PCDHA2: variants seen among roughly 807,000 people sequenced by gnomAD.
PCDHA2 encodes protocadherin alpha-2.
In PCDHA2, 58 loss-of-function variants were observed where a neutral mutation model predicts 66.0. The ratio of observed to expected loss-of-function variants is 0.88; its 90% CI spans 0.71 to 1.09. The LOEUF is 1.09. PCDHA2 is among the 50% of genes least tolerant of loss of function. The probability of loss-of-function intolerance (pLI) is 0.00; values close to 1 mark genes in which losing one functional copy is unlikely to be tolerated. For synonymous variants in PCDHA2, 634 were observed against 554.0 expected (o/e 1.14, Z -2.03); for missense variants, 1,267 against 1,242.3 (o/e 1.02, Z -0.30).
intron 1 of PCDHA2, among the ~76,000 whole-genome samples, chr5:140,889,975 T>A (rs2062445806): frequency 6.6e-6 from 1 of 152,182 alleles, no homozygotes; most frequent in African/African-American, 2.4e-5. Flanking sequence ...CTATCCAGTC[T>A]CCAGTTGTCT....
At chr5:140,969,601 T>C (rs2096345611) in intron 1 of PCDHA2, 1 of 772,836 alleles carries the variant, frequency 1.3e-6, no homozygotes, top group African/African-American at 1.8e-5. Flanking sequence ...TATTTAATGC[T>C]AAAACACAGA....
rs567371259 is a variant in PCDHA2, at chr5:140,910,950, G to A, written c.2389-67999G>A. ...TAAGAAAGCTCAAGCAGTTCTTTTC[G>A]AGTGTAGCACACCTCCTCATGGGTT... On this transcript the variant is annotated intron_variant, in intron 1 of 3. Coordinates refer to ENST00000526136, the MANE Select transcript of PCDHA2 (RefSeq NM_018905.3). Among the ~76,000 whole-genome samples, 203 of 152,092 alleles carry A rather than the reference G, an allele frequency of 1.3e-3. 1 individual carries two copies. Among genetic ancestry groups the A allele is most frequent in the Non-Finnish European group, 2.4e-3 (165 of 68,000 alleles).
intron 1 of PCDHA2, among the ~76,000 whole-genome samples, chr5:140,973,232 G>A (rs1307717074): frequency 6.6e-6 from 1 of 152,196 alleles, no homozygotes; most frequent in Non-Finnish European, 1.5e-5. Context: ...ATAGTGACCT[G>A]AAAGAGTTAA....
chr5:140,927,635 A>G (rs782672031), intron 1 of PCDHA2: 17 of 1,614,038 alleles, frequency 1.1e-5, no homozygotes, highest in East Asian at 4.5e-5. Context: ...ACTGCACCCA[A>G]TGGGACTGTG....
At chr5:140,936,986 A>G (rs2091244455) in intron 1 of PCDHA2, among the ~76,000 whole-genome samples, 1 of 151,898 alleles carries the variant, frequency 6.6e-6, no homozygotes, top group Non-Finnish European at 1.5e-5. Context: ...GCTTGTTAAC[A>G]TTGACAATAT....
rs375652776 is a variant in PCDHA2, at chr5:140,968,862, G to A, written c.2389-10087G>A. The A allele has an allele frequency of 1.9e-5, 31 of 1,614,126 alleles. No individual in the cohort carries two copies. The highest frequency in any genetic ancestry group is 1.5e-4 in the South Asian group (14 of 91,062). The stretch of plus-strand genomic sequence containing the variant: ...ACTCAGAGGCATGTTAAGAGCCCTC[G>A]GACATACTCTGAAATTACCCTTTAT... On this transcript the variant is annotated intron_variant, in intron 1 of 3. Transcript: ENST00000526136.
rs557916636 is a variant in PCDHA2, at chr5:141,000,518, C to G, written c.2537-9109C>G. The stretch of plus-strand genomic sequence containing the variant: ...TCTCGGCTCACTGCAACCTCCTTCT[C>G]CAGGGTTCAAGTGATTCTCATGCCT... On this transcript the variant is annotated intron_variant, in intron 3 of 3. Transcript: ENST00000526136. Among the ~76,000 whole-genome samples the G allele has an allele frequency of 6.9e-4, 100 of 144,062 alleles. 3 individuals are homozygous for G. In the South Asian group the frequency reaches 0.021, roughly 31 times the overall value. 94.5% of individuals were successfully genotyped at this position (144,062 alleles called of 152,430 possible). A position where few individuals can be genotyped will look rare whatever the true frequency, so the allele number is the denominator to read the frequency against.
chr5:140,805,308 C>A, intron 1 of PCDHA2: 3 of 1,274,932 alleles, frequency 2.4e-6, no homozygotes, highest in East Asian at 3.4e-5. Context: ...ATTCTTCCTC[C>A]TTTTTTCCAA....
At chr5:140,830,117 C>A (rs2150181375) in intron 1 of PCDHA2, 1 of 1,613,510 alleles carries the variant, frequency 6.2e-7, no homozygotes, top group Non-Finnish European at 8.5e-7. Context: ...TGGCCAGGCT[C>A]CAAAGGCGTC....
intron 1 of PCDHA2, chr5:140,812,099 T>C (rs1456552720): frequency 1.3e-5 from 2 of 152,060 alleles, no homozygotes; most frequent in African/African-American, 4.8e-5. Flanking sequence ...TTGATTCTTC[T>C]TTAAAAGTTT....
At position 140,856,636 on chromosome 5, in the gene PCDHA2, G is replaced by A. The variant is rs368149411; in HGVS notation, c.2388+59284G>A. 231 of 1,598,104 alleles carry A rather than the reference G, an allele frequency of 1.4e-4. 24 individuals are homozygous for A. The highest frequency in any genetic ancestry group is 1.6e-4 in the Non-Finnish European group (182 of 1,167,716). The stretch of plus-strand genomic sequence containing the variant: ...ACAAATTCCCAGTGCTTGTTCTGCG[G>A]AAGCTGCTGGATCGTGAAGAAAATC... On this transcript the variant is annotated intron_variant, in intron 1 of 3. Coordinates refer to ENST00000526136, the MANE Select transcript of PCDHA2 (RefSeq NM_018905.3).
In PCDHA2 at chr5:140,828,877, C is replaced by T. The variant is rs2150160055; in HGVS notation, c.2388+31525C>T. 121 of 1,614,072 alleles carry T rather than the reference C, an allele frequency of 7.5e-5. 1 individual carries two copies. In the South Asian group the frequency reaches 1.2e-3, roughly 15 times the overall value. On this transcript the variant is annotated intron_variant, in intron 1 of 3. Coordinates refer to ENST00000526136, the MANE Select transcript of PCDHA2 (RefSeq NM_018905.3). ...ATGCAGACAACGGAACAACAGTTAT[C>T]AGACTGAATGCTTCTGATCGGGATG...
intron 1 of PCDHA2, chr5:140,855,863 C>T (rs1435848910): frequency 2.6e-6 from 2 of 763,574 alleles, no homozygotes; most frequent in East Asian, 2.7e-5. Context: ...ATGTCGCTGT[C>T]GTCCACAAAA....
intron 1 of PCDHA2, chr5:140,827,968 A>ATTCTTCTT: frequency 7.3e-7 from 1 of 1,370,946 alleles, no homozygotes; most frequent in South Asian, 1.4e-5. Flanking sequence ...CTATTACTGC[A>ATTCTTCTT]TCATTCCCTG....
In PCDHA2 at chr5:140,802,485, G is replaced by C; in HGVS notation, c.2388+5133G>C. The C allele has an allele frequency of 6.2e-7, 1 of 1,614,166 alleles. No individual in the cohort carries two copies. Among genetic ancestry groups the C allele is most frequent in the Non-Finnish European group, 8.5e-7 (1 of 1,180,022 alleles). ...TGAGCTGGTGGTGACTGCTCGGGACGGGGGCTCGCCTTCACTGTGGGCCAC... is the reference window on the plus strand; with the variant it reads ...TGAGCTGGTGGTGACTGCTCGGGACCGGGGCTCGCCTTCACTGTGGGCCAC... On this transcript the variant is annotated intron_variant, in intron 1 of 3. Coordinates refer to ENST00000526136, the MANE Select transcript of PCDHA2 (RefSeq NM_018905.3).
intron 1 of PCDHA2, chr5:140,856,933 C>T: frequency 5.0e-6 from 8 of 1,593,874 alleles, no homozygotes; most frequent in Non-Finnish European, 6.0e-6. Flanking sequence ...TTTGGATAAA[C>T]GAAAGGACGG....
intron 1 of PCDHA2, chr5:140,868,982 A>T: frequency 6.7e-7 from 1 of 1,495,310 alleles, no homozygotes; most frequent in East Asian, 2.3e-5. Context: ...ATCATACCGG[A>T]TGCCACCGTT....
Position 141,010,990 on chromosome 5 carries a change from A to G in PCDHA2, c.*1053A>G, listed in dbSNP as rs1399914066. The stretch of plus-strand genomic sequence containing the variant: ...GTGCTTTAAGAGAATTGCCTGAAAC[A>G]TCTGTATTATATCGGCCACCTGCCA... On this transcript the variant is annotated 3_prime_UTR_variant, in exon 4 of 4. Transcript: ENST00000526136. The G allele has an allele frequency of 6.5e-6, 1 of 153,770 alleles. No individual in the cohort carries two copies. Among genetic ancestry groups the G allele is most frequent in the Non-Finnish European group, 1.5e-5 (1 of 68,054 alleles). 9.5% of individuals were successfully genotyped at this position (153,770 alleles called of 1,614,324 possible). A position where few individuals can be genotyped will look rare whatever the true frequency, so the allele number is the denominator to read the frequency against.
At chr5:140,894,632 TATC>T (rs1161134901) in intron 1 of PCDHA2, among the ~76,000 whole-genome samples, 1 of 151,990 alleles carries the variant, frequency 6.6e-6, no homozygotes, top group Non-Finnish European at 1.5e-5. Context: ...TCTCCAATCA[TATC>T]ATTACTGAGT....
Sources: allele counts gnomAD v4.1 joint callset (sites outside exome capture counted in the v4.1 genomes callset), GRCh38; gene constraint gnomAD v4.1.1; transcripts MANE v1.5; gene names NCBI Gene and HGNC (gene_info 2026-07-23, HGNC 2026-07-21).